ZNF722: variants seen among roughly 807,000 people sequenced by gnomAD.
ZNF722 encodes the protein zinc finger protein 479 pseudogene.
At chr7:64,004,425 A>AAAAAAAAAAAAAAATATATATAT in the ZNF722 span, among the ~76,000 whole-genome samples, 16 of 61,094 alleles carry the variant, frequency 2.6e-4, 1 homozygote, top group African/African-American at 1.3e-3. Context: ...AAAAAAAAAA[A>AAAAAAAAAAAAAAATATATATAT]ATATATATAT....
chr7:64,013,266 G>C, the ZNF722 span, among the ~76,000 whole-genome samples: 15 of 151,590 alleles, frequency 9.9e-5, no homozygotes, highest in African/African-American at 3.2e-4. Context: ...TTTATTTCTT[G>C]CTTCATTTTT....
chr7:64,002,273 C>T, the ZNF722 span, among the ~76,000 whole-genome samples: 43 of 152,220 alleles, frequency 2.8e-4, 2 homozygotes, highest in South Asian at 8.7e-3. Context: ...TTTGCTCTTA[C>T]TTTTGAAATT....
chr7:64,015,943 G>A, the ZNF722 span: 33 of 1,305,880 alleles, frequency 2.5e-5, no homozygotes, highest in Admixed American at 3.4e-4. Context: ...TAGCCCTCAG[G>A]CCTTATAATA....
the ZNF722 span, among the ~76,000 whole-genome samples, chr7:64,013,590 T>C: frequency 2.0e-5 from 3 of 152,204 alleles, no homozygotes; most frequent in African/African-American, 7.2e-5. Context: ...CTTATTGATA[T>C]TGCTAATTGT....
the ZNF722 span, among the ~76,000 whole-genome samples, chr7:64,007,895 C>G: frequency 6.6e-6 from 1 of 152,200 alleles, no homozygotes; most frequent in Non-Finnish European, 1.5e-5. Flanking sequence ...CACATCCTCT[C>G]CAGCAGCTGT....
chr7:64,007,230 GTATATATATA>G, the ZNF722 span, among the ~76,000 whole-genome samples: 2 of 138,512 alleles, frequency 1.4e-5, no homozygotes, highest in Admixed American at 7.2e-5. Context: ...GTTTGTGTGT[GTATATATATA>G]TATATATATA....
At chr7:63,999,021 C>T in the ZNF722 span, 2 of 1,574,760 alleles carry the variant, frequency 1.3e-6, no homozygotes, top group Admixed American at 1.7e-5. Flanking sequence ...GGTCTGTCAT[C>T]GTGAGAGGGG....
the ZNF722 span, among the ~76,000 whole-genome samples, chr7:64,000,481 C>T: frequency 2.5e-3 from 211 of 85,024 alleles, 2 homozygotes; most frequent in African/African-American, 9.9e-3. Context: ...GAGGGAGTCT[C>T]GCTCTGTCCT....
the ZNF722 span, among the ~76,000 whole-genome samples, chr7:64,007,946 G>T: frequency 6.6e-6 from 1 of 152,194 alleles, no homozygotes; most frequent in Non-Finnish European, 1.5e-5. Flanking sequence ...TAACTGGTGT[G>T]AGATGGTATC....
the ZNF722 span, chr7:64,015,980 A>C: frequency 1.9e-6 from 2 of 1,049,412 alleles, no homozygotes; most frequent in Non-Finnish European, 2.8e-6. Context: ...CTGGAAAAAA[A>C]CACTACAAGT....
chr7:64,013,142 T>C, the ZNF722 span, among the ~76,000 whole-genome samples: 2 of 152,178 alleles, frequency 1.3e-5, 1 homozygote, highest in African/African-American at 4.8e-5. Context: ...GCAAAATGAA[T>C]TCATACACAG....
At chr7:64,009,522 C>G in the ZNF722 span, among the ~76,000 whole-genome samples, 1 of 152,140 alleles carries the variant, frequency 6.6e-6, no homozygotes, top group Non-Finnish European at 1.5e-5. Flanking sequence ...GTCTTTGGTT[C>G]TGTTTATGCA....
At chr7:64,012,223 C>T in the ZNF722 span, among the ~76,000 whole-genome samples, 1 of 152,140 alleles carries the variant, frequency 6.6e-6, no homozygotes, top group Non-Finnish European at 1.5e-5. Context: ...CGAACATCCT[C>T]CTTTAGCTCG....
chr7:64,000,397 G>GGGATTACA, the ZNF722 span, among the ~76,000 whole-genome samples: 2 of 132,394 alleles, frequency 1.5e-5, no homozygotes, highest in Admixed American at 8.4e-5. Context: ...CCAAAGTGCT[G>GGGATTACA]GGATTACAGG....
At chr7:64,000,119 CTTTTTT>C in the ZNF722 span, among the ~76,000 whole-genome samples, 1 of 142,746 alleles carries the variant, frequency 7.0e-6, no homozygotes, top group African/African-American at 2.6e-5. Context: ...TTTTCCCTTA[CTTTTTT>C]TTTTTTTTGT....
chr7:64,000,399 G>T, the ZNF722 span, among the ~76,000 whole-genome samples: 1 of 132,992 alleles, frequency 7.5e-6, no homozygotes, highest in African/African-American at 2.8e-5. Context: ...AAAGTGCTGG[G>T]ATTACAGGAT....
At chr7:64,013,047 C>T in the ZNF722 span, among the ~76,000 whole-genome samples, 2 of 152,110 alleles carry the variant, frequency 1.3e-5, no homozygotes, top group Non-Finnish European at 2.9e-5. Context: ...CTGGCATATA[C>T]TTCTTTTACA....
At chr7:64,012,798 G>A in the ZNF722 span, among the ~76,000 whole-genome samples, 1 of 152,182 alleles carries the variant, frequency 6.6e-6, no homozygotes, top group African/African-American at 2.4e-5. Context: ...AGTGTTGGAT[G>A]TGGGGCCTAA....
the ZNF722 span, chr7:64,015,221 C>G: frequency 9.6e-6 from 12 of 1,250,786 alleles, no homozygotes; most frequent in Non-Finnish European, 1.4e-5. Flanking sequence ...TGTCAAATAC[C>G]CAAAACAAAA....
Sources: gnomAD v4.1 joint callset for allele counts (sites outside exome capture counted in the v4.1 genomes callset) on GRCh38, gnomAD v4.1.1 for gene constraint, MANE v1.5 for transcripts, NCBI Gene and HGNC (gene_info 2026-07-23, HGNC 2026-07-21) for gene names.